Variants in C2orf49 observed in about 807,000 individuals in gnomAD.
C2orf49 encodes tRNA-splicing ligase complex subunit ASW.
Under a neutral mutation model 20.6 loss-of-function variants are expected in C2orf49, and 11 were observed. That is an observed-to-expected ratio of 0.53 (90% confidence interval 0.34 to 0.88). The LOEUF (loss-of-function observed/expected upper bound fraction) is 0.88, where lower values mean the gene tolerates loss of function less well. Among genes scored for constraint, C2orf49 ranks in the 40% least tolerant of loss-of-function variants. The probability of loss-of-function intolerance (pLI) is 0.02; values close to 1 mark genes in which losing one functional copy is unlikely to be tolerated. For missense variants in C2orf49, 289 were observed against 274.2 expected (o/e 1.05, Z -0.38); for synonymous variants, 134 against 108.5 (o/e 1.24, Z -1.46).
At chr2:105,378,201 T>C in the C2orf49 span, 2 of 470,324 alleles carry the variant, frequency 4.3e-6, no homozygotes, top group African/African-American at 2.0e-5. Flanking sequence ...AGTTAATATT[T>C]ATGGCACAAA....
the C2orf49 span, among the ~76,000 whole-genome samples, chr2:105,370,466 A>T: frequency 3.3e-5 from 5 of 152,126 alleles, no homozygotes; most frequent in African/African-American, 9.6e-5. Context: ...GCTGTGGTGC[A>T]TCTGTAAGCA....
chr2:105,361,730 A>G, the C2orf49 span, among the ~76,000 whole-genome samples: 11 of 152,220 alleles, frequency 7.2e-5, no homozygotes, highest in African/African-American at 2.7e-4. Flanking sequence ...ATGAAACTCC[A>G]TGAGAAGAGG....
At chr2:105,352,452 G>GTTTTTTTTTT (rs71379724), downstream of C2orf49, among the ~76,000 whole-genome samples, 16 of 68,068 alleles carry the variant, frequency 2.4e-4, no homozygotes, top group East Asian at 5.2e-4. Flanking sequence ...TTTTTTTTTC[G>GTTTTTTTTTT]TTTTTTTTTT....
downstream of C2orf49, among the ~76,000 whole-genome samples, chr2:105,349,426 T>C (rs77623318): frequency 6.6e-5 from 10 of 152,132 alleles, no homozygotes; most frequent in South Asian, 2.1e-4. Context: ...AGATTCTTCA[T>C]TTTTTTTGTC....
At chr2:105,359,421 C>G in the C2orf49 span, 1 of 152,216 alleles carries the variant, frequency 6.6e-6, no homozygotes, top group Non-Finnish European at 1.5e-5. Flanking sequence ...ATCAAACATT[C>G]TAACAGTGAC....
chr2:105,374,998 T>C, the C2orf49 span, among the ~76,000 whole-genome samples: 7 of 152,208 alleles, frequency 4.6e-5, no homozygotes, highest in African/African-American at 1.4e-4. Context: ...TCTCTGTTAC[T>C]GAAACCGAAG....
intron 1 of C2orf49, among the ~76,000 whole-genome samples, chr2:105,338,585 C>T (rs1340122126): frequency 6.6e-6 from 1 of 152,170 alleles, no homozygotes; most frequent in Non-Finnish European, 1.5e-5. Flanking sequence ...CTTTGACCAC[C>T]ACTGTCCTAA....
At chr2:105,344,442 GATATAT>G (rs556996803) in intron 3 of C2orf49, among the ~76,000 whole-genome samples, 3 of 150,468 alleles carry the variant, frequency 2.0e-5, no homozygotes, top group African/African-American at 7.3e-5. Flanking sequence ...ATAGATATGA[GATATAT>G]ATATATATAG....
At chr2:105,375,662 C>T in the C2orf49 span, 2 of 152,338 alleles carry the variant, frequency 1.3e-5, no homozygotes, top group Admixed American at 1.3e-4. Flanking sequence ...CAAAGCTGGA[C>T]TAAATGCCCT....
the C2orf49 span, among the ~76,000 whole-genome samples, chr2:105,371,291 CG>C: frequency 4.7e-4 from 71 of 152,244 alleles, no homozygotes; most frequent in African/African-American, 1.7e-3. Flanking sequence ...ACGTTACCCA[CG>C]TATCAGGGCC....
At chr2:105,378,189 A>G in the C2orf49 span, 4 of 470,926 alleles carry the variant, frequency 8.5e-6, no homozygotes, top group Admixed American at 4.7e-5. Flanking sequence ...CATTTTTCCT[A>G]CAGTTAATAT....
chr2:105,377,799 G>A, the C2orf49 span: 1 of 332,412 alleles, frequency 3.0e-6, no homozygotes. Context: ...TGTCTGGCTG[G>A]GACAAGAGAC....
Position 105,347,694 on chromosome 2 carries a change from T to A in C2orf49, c.*2323T>A, listed in dbSNP as rs770786677. The A allele has an allele frequency of 5.9e-5, 9 of 152,206 alleles. No homozygotes were observed. Among genetic ancestry groups the A allele is most frequent in the Non-Finnish European group, 1.3e-4 (9 of 68,038 alleles). The allele number at this position is 152,206 out of a possible 1,614,324, so 9.4% of individuals were successfully genotyped here. On this transcript the variant is annotated 3_prime_UTR_variant, in exon 4 of 4. Transcript: ENST00000258457. ...TATAGATACAGCTTGTCTTGAAATGTCTTTCTCCACATAATGAAGCATGCT... is the reference window on the plus strand; with the variant it reads ...TATAGATACAGCTTGTCTTGAAATGACTTTCTCCACATAATGAAGCATGCT...
the C2orf49 span, chr2:105,360,163 T>A: frequency 0.17 from 25,325 of 151,718 alleles, 2,265 homozygotes; most frequent in Middle Eastern, 0.26. Context: ...TAGCCGGGCA[T>A]AATGGTGGGT....
At chr2:105,367,867 G>C in the C2orf49 span, 1 of 881,344 alleles carries the variant, frequency 1.1e-6, no homozygotes, top group South Asian at 1.8e-5. Flanking sequence ...GCTCTTGAAG[G>C]CTCGCCTCTA....
rs533092594 is a variant in C2orf49, at chr2:105,342,335, C to A, written c.267-513C>A. Among the ~76,000 whole-genome samples, 3 of 152,370 alleles carry A rather than the reference C, an allele frequency of 2.0e-5. No homozygotes were observed. The East Asian group carries it at 5.8e-4, about 29-fold the overall frequency. ...AGTATGAGACACTTGCCAGATTTTA[C>A]AATTGAACTTGTACAAATGTCCAGT... On this transcript the variant is annotated intron_variant, in intron 2 of 3. Transcript: ENST00000258457.
chr2:105,363,059 G>C, the C2orf49 span: 1 of 533,928 alleles, frequency 1.9e-6, no homozygotes, highest in South Asian at 2.6e-5. Context: ...TGGAGCACTG[G>C]CCATATGGTT....
At chr2:105,352,594 A>G (rs929678703), downstream of C2orf49, among the ~76,000 whole-genome samples, 29 of 151,332 alleles carry the variant, frequency 1.9e-4, no homozygotes, top group African/African-American at 6.3e-4. Flanking sequence ...ATAGGCACGC[A>G]CCACCACACC....
At chr2:105,351,784 A>G (rs1573254005), downstream of C2orf49, among the ~76,000 whole-genome samples, 2 of 152,222 alleles carry the variant, frequency 1.3e-5, no homozygotes, top group East Asian at 3.9e-4. Flanking sequence ...AGATCTGGGT[A>G]CTAAGTATGC....
Sources: gnomAD v4.1 joint callset for allele counts (sites outside exome capture counted in the v4.1 genomes callset) on GRCh38, gnomAD v4.1.1 for gene constraint, MANE v1.5 for transcripts, NCBI Gene and HGNC (gene_info 2026-07-23, HGNC 2026-07-21) for gene names.